Variants in CPED1 observed in about 807,000 individuals in gnomAD.
The protein encoded by CPED1 is cadherin-like and PC-esterase domain-containing protein 1.
CPED1 carries 114 observed loss-of-function variants against 128.2 expected under a neutral mutation model. The observed-to-expected ratio is 0.89, with a 90% CI of 0.76 to 1.04. The LOEUF (loss-of-function observed/expected upper bound fraction) is 1.04. Ranked by LOEUF, CPED1 falls within the 50% of genes least tolerant of loss-of-function variation. The pLI is 0.00. For missense variants in CPED1, 1,211 were observed against 1,207.1 expected (o/e 1.00, Z -0.05); for synonymous variants, 462 against 426.7 (o/e 1.08, Z -1.02).
intron 9 of CPED1, 62 bp downstream of exon 9, chr7:121,125,954 GT>G: frequency 1.6e-5 from 18 of 1,113,712 alleles, no homozygotes; most frequent in Non-Finnish European, 2.2e-5. Context: ...GTGTGTGTGT[GT>G]TGTTGTTGTT....
At chr7:121,245,702 ATT>A (rs763119181) in intron 18 of CPED1, among the ~76,000 whole-genome samples, 6 of 140,824 alleles carry the variant, frequency 4.3e-5, no homozygotes, top group Admixed American at 7.1e-5. Flanking sequence ...CTCCACAGGC[ATT>A]TTTTTTTTTT....
At chr7:121,164,724 T>G (rs1584561515) in intron 16 of CPED1, among the ~76,000 whole-genome samples, 1 of 152,350 alleles carries the variant, frequency 6.6e-6, no homozygotes, top group East Asian at 1.9e-4. Context: ...CATTCTCTTT[T>G]CAATACATTT....
intron 2 of CPED1, among the ~76,000 whole-genome samples, chr7:120,995,853 G>GT (rs373292948): frequency 6.6e-6 from 1 of 151,896 alleles, no homozygotes; most frequent in Admixed American, 6.6e-5. Context: ...ACATTCTTCA[G>GT]TTTTTTTTAT....
chr7:121,050,249 T>G (rs2116914536), intron 4 of CPED1: 1 of 152,472 alleles, frequency 6.6e-6, no homozygotes, highest in South Asian at 2.1e-4. Context: ...ACTTACAACC[T>G]TTATTCTGCT....
intron 16 of CPED1, among the ~76,000 whole-genome samples, chr7:121,231,292 A>G (rs1342973058): frequency 1.3e-5 from 2 of 152,112 alleles, no homozygotes; most frequent in Non-Finnish European, 2.9e-5. Flanking sequence ...TTACTTTACT[A>G]CAACATAAGA....
intron 16 of CPED1, among the ~76,000 whole-genome samples, chr7:121,204,326 GA>G (rs1727353959): frequency 6.6e-6 from 1 of 152,042 alleles, no homozygotes; most frequent in South Asian, 2.1e-4. Flanking sequence ...AAAAGGATCA[GA>G]AAAGGGATAG....
intron 18 of CPED1, among the ~76,000 whole-genome samples, chr7:121,249,032 C>T (rs1208473102): frequency 6.6e-6 from 1 of 152,022 alleles, no homozygotes; most frequent in East Asian, 1.9e-4. Context: ...TTTCATAATA[C>T]AATCAGAAGT....
intron 16 of CPED1, among the ~76,000 whole-genome samples, chr7:121,225,042 T>G (rs1797970637): frequency 6.6e-6 from 1 of 152,148 alleles, no homozygotes; most frequent in South Asian, 2.1e-4. Flanking sequence ...ATTTTGCCTG[T>G]TAATTGATGC....
chr7:121,112,833 G>T (rs1198162636), intron 7 of CPED1, among the ~76,000 whole-genome samples: 1 of 152,054 alleles, frequency 6.6e-6, no homozygotes, highest in Non-Finnish European at 1.5e-5. Flanking sequence ...CCATTTTTTT[G>T]CAAACTGCCA....
intron 22 of CPED1, among the ~76,000 whole-genome samples, chr7:121,291,277 G>A (rs893431584): frequency 6.6e-6 from 1 of 152,136 alleles, no homozygotes; most frequent in Admixed American, 6.6e-5. Context: ...GATTGTCTTG[G>A]TTATACGGGC....
chr7:121,142,239 C>G, intron 16 of CPED1, 98 bp downstream of exon 16: 1 of 1,124,532 alleles, frequency 8.9e-7, no homozygotes, highest in Non-Finnish European at 1.3e-6. Flanking sequence ...AAATTGTATG[C>G]CTTGAAATCG....
At chr7:121,171,774 A>C (rs1282166278) in intron 16 of CPED1, among the ~76,000 whole-genome samples, 1 of 152,172 alleles carries the variant, frequency 6.6e-6, no homozygotes, top group Non-Finnish European at 1.5e-5. Context: ...GGTATTTCTT[A>C]CTGTTTTGAA....
At chr7:121,259,631 G>C (rs1160653957) in intron 18 of CPED1, among the ~76,000 whole-genome samples, 1 of 151,930 alleles carries the variant, frequency 6.6e-6, no homozygotes, top group Non-Finnish European at 1.5e-5. Context: ...ACATAATTTT[G>C]TAATCACAGG....
chr7:121,239,541 T>A (rs1201681716), intron 17 of CPED1, among the ~76,000 whole-genome samples: 2 of 152,162 alleles, frequency 1.3e-5, no homozygotes, highest in African/African-American at 2.4e-5. Context: ...GTAAACAATT[T>A]AAAAAAATTT....
At chr7:121,200,758 C>A (rs1026336395) in intron 16 of CPED1, among the ~76,000 whole-genome samples, 1 of 151,926 alleles carries the variant, frequency 6.6e-6, no homozygotes, top group African/African-American at 2.4e-5. Context: ...TTGATACAGA[C>A]CAGTGCAAAG....
At chr7:121,098,845 A>G (rs550449617) in intron 6 of CPED1, among the ~76,000 whole-genome samples, 1 of 146,282 alleles carries the variant, frequency 6.8e-6, no homozygotes, top group African/African-American at 2.5e-5. Context: ...ATAAATATAT[A>G]TGTATAAAAG....
chr7:121,070,226 A>G (rs1340340958), intron 5 of CPED1, among the ~76,000 whole-genome samples: 1 of 150,680 alleles, frequency 6.6e-6, no homozygotes, highest in Non-Finnish European at 1.5e-5. Flanking sequence ...ATTTTTAAAC[A>G]TTGACCAATA....
intron 18 of CPED1, among the ~76,000 whole-genome samples, chr7:121,260,544 T>C (rs752358590): frequency 1.3e-5 from 2 of 151,978 alleles, no homozygotes; most frequent in Non-Finnish European, 2.9e-5. Context: ...TTTTCGACCT[T>C]AGGGCTCATC....
intron 18 of CPED1, among the ~76,000 whole-genome samples, chr7:121,260,821 A>G (rs567560975): frequency 1.5e-3 from 226 of 152,216 alleles, no homozygotes; most frequent in Non-Finnish European, 2.8e-3. Context: ...TTGGATCCAG[A>G]GAAAAGCTAC....
Sources: allele counts gnomAD v4.1 joint callset (sites outside exome capture counted in the v4.1 genomes callset), GRCh38; gene constraint gnomAD v4.1.1; transcripts MANE v1.5; gene names NCBI Gene and HGNC (gene_info 2026-07-23, HGNC 2026-07-21).